The following IL1RAPL1 variants were observed in gnomAD, a reference collection of about 807,000 sequenced individuals.
IL1RAPL1 encodes interleukin-1 receptor accessory protein-like 1.
Under a neutral mutation model 48.4 loss-of-function variants are expected in IL1RAPL1, and 3 were observed. The observed-to-expected ratio is 0.06, with a 90% CI of 0.03 to 0.16. The LOEUF (loss-of-function observed/expected upper bound fraction) is 0.16. Among genes scored for constraint, IL1RAPL1 ranks in the 10% least tolerant of loss-of-function variants. The probability of loss-of-function intolerance (pLI) is 1.00; values close to 1 mark genes in which losing one functional copy is unlikely to be tolerated. For synonymous variants in IL1RAPL1, 185 were observed against 187.7 expected (o/e 0.99, Z 0.12); for missense variants, 349 against 530.6 (o/e 0.66, Z 3.36).
intron 5 of IL1RAPL1, among the ~76,000 whole-genome samples, chrX:29,487,049 G>A (rs1935104871): frequency 1.4e-5 from 1 of 73,202 alleles, no homozygotes; most frequent in African/African-American, 5.3e-5. Context: ...TTTGAGTAGC[G>A]AGGGGCTAAA....
chrX:29,399,613 G>A (rs765083228), intron 5 of IL1RAPL1, among the ~76,000 whole-genome samples: 1 of 111,172 alleles, frequency 9.0e-6, no homozygotes, highest in Admixed American at 9.6e-5. Flanking sequence ...GAGGTCAGGG[G>A]TTCAGGACCA....
intron 5 of IL1RAPL1, among the ~76,000 whole-genome samples, chrX:29,626,933 C>T (rs763914901): frequency 1.2e-4 from 13 of 112,219 alleles, no homozygotes; most frequent in Admixed American, 5.7e-4. Flanking sequence ...ATAACGCCTA[C>T]GTAACTGTTC....
intron 3 of IL1RAPL1, among the ~76,000 whole-genome samples, chrX:29,334,571 C>T (rs1359397809): frequency 9.0e-4 from 95 of 105,093 alleles, no homozygotes; most frequent in African/African-American, 1.6e-3. Context: ...GGGCGGTTGC[C>T]AGGCAGAGGG....
chrX:29,291,239 T>C (rs1932366091), intron 3 of IL1RAPL1, among the ~76,000 whole-genome samples: 1 of 110,502 alleles, frequency 9.0e-6, no homozygotes, highest in African/African-American at 3.3e-5. Flanking sequence ...CCAACATAAA[T>C]AGTGAGATAG....
At chrX:29,121,628 T>C (rs775123329) in intron 2 of IL1RAPL1, among the ~76,000 whole-genome samples, 4 of 112,020 alleles carry the variant, frequency 3.6e-5, no homozygotes, top group African/African-American at 1.3e-4. Context: ...ACCTGGAACA[T>C]TTCCCTCTGA....
At chrX:29,318,942 C>A (rs968004921) in intron 3 of IL1RAPL1, among the ~76,000 whole-genome samples, 3 of 111,310 alleles carry the variant, frequency 2.7e-5, no homozygotes, top group Non-Finnish European at 5.7e-5. Context: ...TTTAAATTAA[C>A]CCTGTTTTAG....
chrX:29,190,556 T>G (rs1227483694), intron 2 of IL1RAPL1, among the ~76,000 whole-genome samples: 2 of 112,269 alleles, frequency 1.8e-5, no homozygotes, highest in Non-Finnish European at 3.8e-5. Flanking sequence ...TTATAGATGT[T>G]GCCCATTTGT....
At chrX:28,839,883 T>TA (rs1921325748) in intron 2 of IL1RAPL1, among the ~76,000 whole-genome samples, 1 of 90,283 alleles carries the variant, frequency 1.1e-5, no homozygotes, top group African/African-American at 6.3e-5. Flanking sequence ...CCTCTGTTAA[T>TA]AAAAAAAATC....
At chrX:29,286,212 C>T (rs1932281347) in intron 3 of IL1RAPL1, among the ~76,000 whole-genome samples, 2 of 111,582 alleles carry the variant, frequency 1.8e-5, no homozygotes, top group African/African-American at 6.5e-5. Context: ...CTATTTTGGA[C>T]AGAATAATAC....
intron 1 of IL1RAPL1, among the ~76,000 whole-genome samples, chrX:28,688,103 C>CA (rs55752146): frequency 0.022 from 1,120 of 49,860 alleles, 32 homozygotes; most frequent in African/African-American, 0.058. Context: ...GACTCTGTCT[C>CA]AAAAAAAAAA....
At chrX:29,075,814 C>A (rs893153107) in intron 2 of IL1RAPL1, among the ~76,000 whole-genome samples, 8 of 110,859 alleles carry the variant, frequency 7.2e-5, no homozygotes. Context: ...TGGGCAATAC[C>A]CAGGACTGAT....
At chrX:28,749,987 C>T (rs749278239) in intron 1 of IL1RAPL1, among the ~76,000 whole-genome samples, 26 of 107,167 alleles carry the variant, frequency 2.4e-4, no homozygotes, top group Admixed American at 2.3e-3. Context: ...GAGTCTTACT[C>T]TGTTACCCAG....
intron 1 of IL1RAPL1, among the ~76,000 whole-genome samples, chrX:28,766,766 C>A (rs1274833198): frequency 9.0e-6 from 1 of 111,443 alleles, no homozygotes; most frequent in Non-Finnish European, 1.9e-5. Context: ...ATTTCTAGAT[C>A]CCACAAATAA....
At chrX:29,865,028 CTTGT>C (rs1462847592) in intron 6 of IL1RAPL1, among the ~76,000 whole-genome samples, 2 of 112,069 alleles carry the variant, frequency 1.8e-5, no homozygotes, top group African/African-American at 3.2e-5. Context: ...CACTCCAATA[CTTGT>C]TTGAGTCCTT....
chrX:29,063,488 A>G (rs1041675027), intron 2 of IL1RAPL1, among the ~76,000 whole-genome samples: 13 of 111,655 alleles, frequency 1.2e-4, no homozygotes, highest in Non-Finnish European at 1.9e-4. Flanking sequence ...TTCTCCAACT[A>G]TATTTTTATC....
At chrX:28,846,641 ATTG>A (rs1341075852) in intron 2 of IL1RAPL1, among the ~76,000 whole-genome samples, 1 of 112,021 alleles carries the variant, frequency 8.9e-6, no homozygotes, top group African/African-American at 3.2e-5. Flanking sequence ...GTGATATCTC[ATTG>A]TTGTTGAAGA....
At position 29,803,615 on chromosome X, in the gene IL1RAPL1, GTA is replaced by G. The variant is rs1402087416; in HGVS notation, c.779-113843_779-113842del. 3.9e-5 allele frequency among the ~76,000 whole-genome samples: 4 copies of G among 101,711 alleles called. No individual in the cohort carries two copies. In the South Asian group the frequency reaches 1.3e-3, roughly 33 times the overall value. 88.3% of individuals were successfully genotyped at this position (101,711 alleles called of 115,157 possible). On this transcript the variant is annotated intron_variant, in intron 6 of 10. Coordinates refer to ENST00000378993, the MANE Select transcript of IL1RAPL1 (RefSeq NM_014271.4). ...TATGTGTGTGTATATATACACGTGT[GTA>G]TATATGTATATATGTGTATATATAT...
Position 29,002,833 on chromosome X carries a change from A to G in IL1RAPL1, c.82+213408A>G, listed in dbSNP as rs534412538. Among the ~76,000 whole-genome samples, 12 of 110,848 alleles carry G rather than the reference A, an allele frequency of 1.1e-4. No homozygotes were observed. The South Asian group carries it at 4.2e-3, about 39-fold the overall frequency. On this transcript the variant is annotated intron_variant, in intron 2 of 10. Transcript: ENST00000378993. ...TTTTTGTGGGGGTGGGGATAGTACC[A>G]TTATAAAAATACAAACATAAGCTGC...
chrX:29,590,620 G>A (rs371689845), intron 5 of IL1RAPL1, among the ~76,000 whole-genome samples: 10 of 111,490 alleles, frequency 9.0e-5, no homozygotes, highest in South Asian at 3.8e-4. Flanking sequence ...TTGCTGACCC[G>A]CCCATGCTCC....
Sources: allele counts gnomAD v4.1 joint callset (sites outside exome capture counted in the v4.1 genomes callset), GRCh38; gene constraint gnomAD v4.1.1; transcripts MANE v1.5; gene names NCBI Gene and HGNC (gene_info 2026-07-23, HGNC 2026-07-21).